The following NUMB variants were observed in gnomAD, a reference collection of about 807,000 sequenced individuals.
NUMB encodes NUMB endocytic adaptor protein.
Under a neutral mutation model 59.7 loss-of-function variants are expected in NUMB, and 29 were observed. The observed-to-expected ratio is 0.49, with a 90% CI of 0.36 to 0.66. NUMB has a LOEUF of 0.66. Ranked by LOEUF, NUMB falls within the 30% of genes least tolerant of loss-of-function variation. The probability of loss-of-function intolerance (pLI) is 0.00; values close to 1 mark genes in which losing one functional copy is unlikely to be tolerated. For missense variants in NUMB, 723 were observed against 822.0 expected (o/e 0.88, Z 1.47); for synonymous variants, 288 against 288.2 (o/e 1.00, Z 0.01).
intron 6 of NUMB, among the ~76,000 whole-genome samples, chr14:73,314,513 A>G (rs966393379): frequency 2.0e-5 from 3 of 152,182 alleles, no homozygotes; most frequent in Non-Finnish European, 4.4e-5. Context: ...TAGGTGCATC[A>G]TGGCCCCATT....
At chr14:73,438,045 T>C (rs771698368) in intron 1 of NUMB, among the ~76,000 whole-genome samples, 1 of 152,238 alleles carries the variant, frequency 6.6e-6, no homozygotes, top group Non-Finnish European at 1.5e-5. Flanking sequence ...CAAAGCTGTA[T>C]ATCTCAATCT....
At chr14:73,384,368 C>T (rs999865611) in intron 2 of NUMB, among the ~76,000 whole-genome samples, 24 of 151,978 alleles carry the variant, frequency 1.6e-4, no homozygotes, top group African/African-American at 5.6e-4. Flanking sequence ...GGATTACAGG[C>T]TTGAGCCACC....
At chr14:73,430,073 CTG>C (rs1263837893) in intron 1 of NUMB, among the ~76,000 whole-genome samples, 5 of 151,700 alleles carry the variant, frequency 3.3e-5, no homozygotes, top group African/African-American at 1.2e-4. Flanking sequence ...AGGAGTGAAA[CTG>C]TGGACCATTC....
intron 2 of NUMB, among the ~76,000 whole-genome samples, chr14:73,389,143 C>T (rs1895699445): frequency 6.8e-6 from 1 of 147,126 alleles, no homozygotes; most frequent in African/African-American, 2.5e-5. Flanking sequence ...TGGTGGTGCG[C>T]ACCTGTACTC....
chr14:73,371,396 G>A (rs1396791755), intron 2 of NUMB, among the ~76,000 whole-genome samples: 6 of 151,842 alleles, frequency 4.0e-5, no homozygotes, highest in African/African-American at 7.3e-5. Flanking sequence ...TTAGCCAGGC[G>A]TGGTGGTGCA....
At chr14:73,320,072 C>A (rs1891317686) in intron 5 of NUMB, among the ~76,000 whole-genome samples, 1 of 152,026 alleles carries the variant, frequency 6.6e-6, no homozygotes, top group Non-Finnish European at 1.5e-5. Context: ...GCAGAGGTTG[C>A]AGTGAGCCAA....
At chr14:73,363,161 T>C (rs1429722976) in intron 3 of NUMB, among the ~76,000 whole-genome samples, 6 of 151,806 alleles carry the variant, frequency 4.0e-5, no homozygotes, top group Non-Finnish European at 8.8e-5. Context: ...GTCAGGCACA[T>C]TGGTATGTGC....
At chr14:73,361,636 CCT>C (rs560434903) in intron 3 of NUMB, among the ~76,000 whole-genome samples, 103 of 152,152 alleles carry the variant, frequency 6.8e-4, no homozygotes, top group Non-Finnish European at 1.2e-3. Context: ...CAAGTAGACC[CCT>C]GTGTCTGTTG....
At chr14:73,385,495 C>CTTTTT in intron 2 of NUMB, among the ~76,000 whole-genome samples, 3 of 67,542 alleles carry the variant, frequency 4.4e-5, no homozygotes, top group Non-Finnish European at 8.3e-5. Context: ...TGGCTAGTGG[C>CTTTTT]CTTTTTTTTT....
intron 1 of NUMB, among the ~76,000 whole-genome samples, chr14:73,440,406 TA>T (rs1882968420): frequency 6.6e-6 from 1 of 151,886 alleles, no homozygotes; most frequent in African/African-American, 2.4e-5. Flanking sequence ...GCCAACTCTA[TA>T]AAACTCTTAG....
At chr14:73,289,845 A>G (rs929052474) in intron 8 of NUMB, among the ~76,000 whole-genome samples, 2 of 152,224 alleles carry the variant, frequency 1.3e-5, no homozygotes, top group African/African-American at 4.8e-5. Flanking sequence ...CAGGTCTATT[A>G]TAAGGACAGA....
chr14:73,411,355 G>GTTGC (rs763937896), intron 1 of NUMB, among the ~76,000 whole-genome samples: 6 of 151,596 alleles, frequency 4.0e-5, no homozygotes, highest in African/African-American at 1.2e-4. Context: ...TAAACCTCAA[G>GTTGC]TTTATTTGCA....
Position 73,352,530 on chromosome 14 carries a change from G to GGTTTTTT in NUMB, c.126+3095_126+3096insAAAAAAC, listed in dbSNP as rs1555373807. Among the ~76,000 whole-genome samples the GGTTTTTT allele has an allele frequency of 5.9e-4, 12 of 20,282 alleles. 1 individual carries two copies. The highest frequency in any genetic ancestry group is 5.9e-3 in the East Asian group (3 of 512). The allele number at this position is 20,282 out of a possible 152,430, so 13.3% of individuals were successfully genotyped here. A position where few individuals can be genotyped will look rare whatever the true frequency, so the allele number is the denominator to read the frequency against. Reference sequence around the variant, plus strand: ...TATATATATATATATATATATATATGTTTTTTTTTTTTTTTTTTTTTTGAG... The same window carrying GGTTTTTT: ...TATATATATATATATATATATATATGGTTTTTTTTTTTTTTTTTTTTTTTTTTTTGAG... On this transcript the variant is annotated intron_variant, in intron 4 of 12. Coordinates refer to ENST00000555238, the MANE Select transcript of NUMB (RefSeq NM_001005743.2).
At chr14:73,285,925 CAAA>C (rs372649591) in intron 9 of NUMB, among the ~76,000 whole-genome samples, 2 of 108,982 alleles carry the variant, frequency 1.8e-5, no homozygotes, top group Non-Finnish European at 2.0e-5. Flanking sequence ...CACTCTGTCT[CAAA>C]AAAAAAAAAA....
intron 4 of NUMB, among the ~76,000 whole-genome samples, chr14:73,328,355 T>C (rs115165064): frequency 0.014 from 2,087 of 152,230 alleles, 51 homozygotes; most frequent in African/African-American, 0.047. Flanking sequence ...CATATGCATA[T>C]ATCACTATGT....
chr14:73,386,195 A>AT (rs2140087834), intron 2 of NUMB, among the ~76,000 whole-genome samples: 1 of 152,274 alleles, frequency 6.6e-6, no homozygotes, highest in East Asian at 1.9e-4. Context: ...CTATGATGGC[A>AT]TCTGTGAACA....
intron 5 of NUMB, among the ~76,000 whole-genome samples, chr14:73,321,436 G>A (rs559074321): frequency 2.6e-5 from 4 of 152,130 alleles, no homozygotes; most frequent in Non-Finnish European, 4.4e-5. Context: ...ACAAGGGCTC[G>A]CTGTGTTGCC....
At chr14:73,440,202 T>G (rs1440445995) in intron 1 of NUMB, among the ~76,000 whole-genome samples, 1 of 34,860 alleles carries the variant, frequency 2.9e-5, no homozygotes, top group Non-Finnish European at 5.8e-5. Context: ...TATCCATATA[T>G]ATATATGGAT....
At chr14:73,315,536 C>T (rs1891040973) in intron 6 of NUMB, among the ~76,000 whole-genome samples, 1 of 152,066 alleles carries the variant, frequency 6.6e-6, no homozygotes, top group East Asian at 1.9e-4. Context: ...CCACATATGA[C>T]AGATATTTGG....
Sources: allele counts gnomAD v4.1 joint callset (sites outside exome capture counted in the v4.1 genomes callset), GRCh38; gene constraint gnomAD v4.1.1; transcripts MANE v1.5; gene names NCBI Gene and HGNC (gene_info 2026-07-23, HGNC 2026-07-21).